The following MYH9 variants were observed in gnomAD, a reference collection of about 807,000 sequenced individuals.
MYH9 encodes the protein myosin heavy chain 9, also known as myosin-9.
In MYH9, 29 loss-of-function variants were observed where a neutral mutation model predicts 241.9. That is an observed-to-expected ratio of 0.12 (90% CI 0.09 to 0.16). The LOEUF is 0.16. Among genes scored for constraint, MYH9 ranks in the 10% least tolerant of loss-of-function variants. The pLI is 1.00. For synonymous variants in MYH9, 1,047 were observed against 1,062.6 expected, an observed-to-expected ratio of 0.99 and a Z score of 0.29; for missense variants, 1,803 against 2,595.5, an observed-to-expected ratio of 0.69 and a Z score of 6.63.
Position 36,320,299 on chromosome 22 carries a change from G to C in MYH9, c.933C>G (p.Pro311=), listed in dbSNP as rs202045249. ...GGAACATGTCCTTGTCCTGCTGCCC[G>C]GGGATGGTGACGTGTCCATTGGACA... ...RFLSNGHVTI[P]GQQDKDMFQE... Residue 311 remains proline (P), a synonymous_variant, in exon 9 of 41, where the codon CCC becomes CCG. Transcript: ENST00000216181. This position sits in a 1 kb window ranked among gnomAD's most constrained non-coding sequence, Gnocchi z 4.8. The C allele has an allele frequency of 6.2e-7, 1 of 1,614,206 alleles. No individual in the cohort carries two copies. Among genetic ancestry groups the C allele is most frequent in the East Asian group, 2.2e-5 (1 of 44,880 alleles).
At chr22:36,343,761 A>C (rs1287357377) in intron 2 of MYH9, among the ~76,000 whole-genome samples, 1 of 152,172 alleles carries the variant, frequency 6.6e-6, no homozygotes, top group Non-Finnish European at 1.5e-5. Flanking sequence ...GCATTTCAGG[A>C]GGAAGAGACA....
chr22:36,374,538 A>C (rs1569537124), intron 1 of MYH9, among the ~76,000 whole-genome samples: 1 of 152,220 alleles, frequency 6.6e-6, no homozygotes, highest in Non-Finnish European at 1.5e-5. Context: ...ATAATAAATA[A>C]AAACAGAACT....
chr22:36,373,784 C>G (rs2018123381), intron 1 of MYH9, among the ~76,000 whole-genome samples: 1 of 152,178 alleles, frequency 6.6e-6, no homozygotes, highest in South Asian at 2.1e-4. Flanking sequence ...ACTCGTGGAA[C>G]TTTCTGGCAA....
chr22:36,309,976 G>A (rs1229245723), intron 14 of MYH9, among the ~76,000 whole-genome samples: 1 of 152,058 alleles, frequency 6.6e-6, no homozygotes, highest in Non-Finnish European at 1.5e-5. Context: ...GGGGCTGGGT[G>A]CGGTGGCTCA....
At chr22:36,289,388 C>CCAGAGGCCA in intron 31 of MYH9, 91 bp from the exon 32 acceptor site, 1 of 1,240,766 alleles carries the variant, frequency 8.1e-7, no homozygotes, top group Non-Finnish European at 1.1e-6. Context: ...AAGGAGGAGC[C>CCAGAGGCCA]CAGAGGCCAC....
intron 31 of MYH9, among the ~76,000 whole-genome samples, chr22:36,291,450 T>C (rs2016701327): frequency 1.3e-5 from 2 of 151,662 alleles, no homozygotes; most frequent in South Asian, 4.2e-4. Context: ...CGGTGCAAGA[T>C]GTGCTTTGTT....
At chr22:36,349,559 A>G (rs2017734593) in intron 1 of MYH9, among the ~76,000 whole-genome samples, 2 of 152,114 alleles carry the variant, frequency 1.3e-5, no homozygotes, top group Non-Finnish European at 2.9e-5. Context: ...GTGAAAACCC[A>G]TCTCTACTAA....
In MYH9 at chr22:36,330,794, G is replaced by A. The variant is rs186231879; in HGVS notation, c.491-3306C>T. ...AAGGACTGAAGGCTTATTTGAAAACGCCCTTCCTTCCTCTAAACGGGAGGA... is the reference window on the plus strand; with the variant it reads ...AAGGACTGAAGGCTTATTTGAAAACACCCTTCCTTCCTCTAAACGGGAGGA... On this transcript the variant is annotated intron_variant, in intron 3 of 40. Transcript: ENST00000216181. The surrounding 1 kb of genome is among the most constrained non-coding windows in gnomAD (Gnocchi z 4.5). Among the ~76,000 whole-genome samples the A allele has an allele frequency of 4.0e-3, 608 of 151,964 alleles. 1 individual carries two copies. The highest frequency in any genetic ancestry group is 6.2e-3 in the Non-Finnish European group (420 of 67,974).
intron 1 of MYH9, 126 bp from the exon 2 acceptor site, chr22:36,349,381 C>T: frequency 1.4e-6 from 1 of 737,174 alleles, no homozygotes; most frequent in Non-Finnish European, 2.3e-6. Context: ...TCTATATAAC[C>T]AGGCTGCACA....
intron 35 of MYH9, 122 bp downstream of exon 35, chr22:36,286,596 G>T: frequency 7.2e-7 from 1 of 1,395,138 alleles, no homozygotes; most frequent in Non-Finnish European, 1.0e-6. Flanking sequence ...TAACCTGAGA[G>T]CCATCCCCAG....
At chr22:36,316,895 CTT>C (rs1469294771) in intron 11 of MYH9, among the ~76,000 whole-genome samples, 2 of 152,032 alleles carry the variant, frequency 1.3e-5, no homozygotes, top group African/African-American at 4.8e-5. Context: ...GGACAATAAA[CTT>C]AGATCTTTTG....
chr22:36,286,052 C>G, intron 35 of MYH9, 99 bp from the exon 36 acceptor site: 1 of 1,274,556 alleles, frequency 7.8e-7, no homozygotes, highest in Admixed American at 1.9e-5. Flanking sequence ...CTTCCCCAGG[C>G]CCACCTCCCC....
At position 36,300,886 on chromosome 22, in the gene MYH9, G is replaced by T; in HGVS notation, c.2803C>A (p.Gln935Lys). 1 of 1,604,912 alleles carries T rather than the reference G, an allele frequency of 6.2e-7. No homozygotes were observed. The change falls in exon 22 of 41, where the codon CAG becomes AAG. Residue 935 changes from glutamine (Q) to lysine (K), a missense_variant. Gln to Lys is a moderately conservative substitution (Grantham distance 53, BLOSUM62 1). This residue lies in a region of MYH9 where 290 missense variants were observed against 360.5 expected (regional missense o/e 0.80). Transcript: ENST00000216181. This position sits in a 1 kb window ranked among gnomAD's most constrained non-coding sequence, Gnocchi z 5.0. ...TGCTGCATCTTCTTCTTCTCCGCCT[G>T]CAGGTGCTGGCAGCGCTCCTCCTCC... ...EEEEERCQHL[Q>K]AEKKKMQQNI...
At position 36,321,812 on chromosome 22, in the gene MYH9, T is replaced by G. The variant is rs1312994728; in HGVS notation, c.715A>C (p.Ile239Leu). The G allele has an allele frequency of 1.9e-6, 3 of 1,614,088 alleles. No individual in the cohort carries two copies. Among genetic ancestry groups the G allele is most frequent in the Non-Finnish European group, 2.5e-6 (3 of 1,179,944 alleles). ...CCATTGACATCAAAGTTGATGCGAATGAATTTGCCCTAAGTAAGAAAGGAT... is the reference window on the plus strand; with the variant it reads ...CCATTGACATCAAAGTTGATGCGAAGGAATTTGCCCTAAGTAAGAAAGGAT... ...NDNSSRFGKF[I>L]RINFDVNGYI... The change falls in exon 7 of 41, where the codon ATT becomes CTT. Residue 239 changes from isoleucine (I) to leucine (L), a missense_variant. By Grantham distance (5) the Ile-to-Leu change is conservative. This residue lies in a region of MYH9 where 222 missense variants were observed against 359.9 expected (regional missense o/e 0.62). Coordinates refer to ENST00000216181, the MANE Select transcript of MYH9 (RefSeq NM_002473.6).
At chr22:36,352,481 C>T (rs370668108) in intron 1 of MYH9, among the ~76,000 whole-genome samples, 3 of 152,344 alleles carry the variant, frequency 2.0e-5, no homozygotes, top group East Asian at 3.9e-4. Flanking sequence ...CCTGGCTTCT[C>T]GGCAGCCCAT....
chr22:36,362,450 A>G (rs2017949099), intron 1 of MYH9, among the ~76,000 whole-genome samples: 1 of 152,154 alleles, frequency 6.6e-6, no homozygotes, highest in Non-Finnish European at 1.5e-5. Flanking sequence ...GGTGTCCTCC[A>G]CTAAGATACC....
Position 36,348,978 on chromosome 22 carries a change from C to A in MYH9, c.259G>T (p.Ala87Ser), listed in dbSNP as rs1451904073. The A allele has an allele frequency of 6.2e-7, 1 of 1,614,246 alleles. No homozygotes were observed. Among genetic ancestry groups the A allele is most frequent in the East Asian group, 2.2e-5 (1 of 44,882 alleles). The change falls in exon 2 of 41, where the codon GCA becomes TCA. Residue 87 changes from alanine to serine, a missense_variant. This residue lies in a region of MYH9 where 72 missense variants were observed against 134.3 expected (regional missense o/e 0.54). Transcript: ENST00000216181. ...GCTTCGTTGAGGCACGTGAGCTCTGCCATGTCCTCCACCTTGGAGAACTTG... is the reference window on the plus strand; with the variant it reads ...GCTTCGTTGAGGCACGTGAGCTCTGACATGTCCTCCACCTTGGAGAACTTG... Reference protein sequence around the residue: ...PPKFSKVEDMAELTCLNEASV... With the variant: ...PPKFSKVEDMSELTCLNEASV...
intron 3 of MYH9, among the ~76,000 whole-genome samples, chr22:36,336,052 G>C (rs1449762253): frequency 6.6e-6 from 1 of 152,236 alleles, no homozygotes; most frequent in East Asian, 1.9e-4. Context: ...GATCGGGTGG[G>C]AAGGGAGACT....
chr22:36,301,165 G>T, intron 21 of MYH9, 108 bp from the exon 22 acceptor site: 1 of 1,100,416 alleles, frequency 9.1e-7, no homozygotes, highest in Non-Finnish European at 1.4e-6. Flanking sequence ...GGAACATGCA[G>T]ACAAAAGTAG....
Sources: allele counts gnomAD v4.1 joint callset (sites outside exome capture counted in the v4.1 genomes callset), GRCh38; gene constraint gnomAD v4.1.1; regional missense constraint gnomAD v4.1.1; non-coding constraint Gnocchi (gnomAD v3.1); transcripts MANE v1.5; gene names NCBI Gene and HGNC (gene_info 2026-07-23, HGNC 2026-07-21).